NKAIN2: variants seen among roughly 807,000 people sequenced by gnomAD.
NKAIN2 encodes the protein sodium/potassium-transporting ATPase subunit beta-1-interacting protein 2.
In NKAIN2, 14 loss-of-function variants were observed where a neutral mutation model predicts 32.6. The ratio of observed to expected loss-of-function variants is 0.43; its 90% CI spans 0.28 to 0.67. The LOEUF is 0.67. Among genes scored for constraint, NKAIN2 ranks in the 30% least tolerant of loss-of-function variants. NKAIN2 has a pLI of 0.17. For missense variants in NKAIN2, 198 were observed against 258.3 expected, an observed-to-expected ratio of 0.77 and a Z score of 1.60; for synonymous variants, 80 against 87.2, an observed-to-expected ratio of 0.92 and a Z score of 0.46.
chr6:123,868,831 A>G (rs1772720361), intron 1 of NKAIN2, among the ~76,000 whole-genome samples: 1 of 152,184 alleles, frequency 6.6e-6, no homozygotes, highest in Non-Finnish European at 1.5e-5. Flanking sequence ...ATTAGGAAAC[A>G]TTAATATTGA....
chr6:124,005,570 T>G (rs190063835), intron 1 of NKAIN2, among the ~76,000 whole-genome samples: 2 of 152,314 alleles, frequency 1.3e-5, no homozygotes, highest in Admixed American at 6.5e-5. Flanking sequence ...GCCCTTTTTA[T>G]GTATTATTTT....
chr6:124,811,860 A>G (rs961992921), intron 5 of NKAIN2, among the ~76,000 whole-genome samples: 1 of 152,084 alleles, frequency 6.6e-6, no homozygotes, highest in African/African-American at 2.4e-5. Flanking sequence ...TATCAATTAT[A>G]CCTCAGTATA....
chr6:124,384,132 C>A (rs1376245627), intron 3 of NKAIN2, among the ~76,000 whole-genome samples: 1 of 152,096 alleles, frequency 6.6e-6, no homozygotes, highest in Non-Finnish European at 1.5e-5. Flanking sequence ...ACTTATCACT[C>A]TCTGAAATTA....
At chr6:124,756,655 A>T (rs1444033181) in intron 4 of NKAIN2, among the ~76,000 whole-genome samples, 1 of 568 alleles carries the variant, frequency 1.8e-3, no homozygotes, top group Non-Finnish European at 0.033. Flanking sequence ...GCAATTTTTA[A>T]AAAAAATAGA....
chr6:124,574,171 T>C (rs991246096), intron 3 of NKAIN2, among the ~76,000 whole-genome samples: 7 of 152,362 alleles, frequency 4.6e-5, no homozygotes, highest in Admixed American at 1.3e-4. Flanking sequence ...GAGAGCCCTT[T>C]GGAAGAGCTT....
At chr6:124,007,534 G>C (rs796333441) in intron 1 of NKAIN2, among the ~76,000 whole-genome samples, 7 of 152,286 alleles carry the variant, frequency 4.6e-5, no homozygotes, top group African/African-American at 1.7e-4. Context: ...ACAGGCTAGT[G>C]TTTTATATTG....
chr6:123,914,435 A>G (rs1281732609), intron 1 of NKAIN2, among the ~76,000 whole-genome samples: 1 of 152,066 alleles, frequency 6.6e-6, no homozygotes, highest in Non-Finnish European at 1.5e-5. Flanking sequence ...TTATAATGAT[A>G]CTAATCCTAT....
chr6:123,938,726 A>G (rs1776681298), intron 1 of NKAIN2, among the ~76,000 whole-genome samples: 1 of 150,450 alleles, frequency 6.6e-6, no homozygotes, highest in African/African-American at 2.4e-5. Flanking sequence ...TATGGGAGAA[A>G]GAGTCCATCT....
At chr6:124,794,639 T>C (rs1779919978) in intron 5 of NKAIN2, among the ~76,000 whole-genome samples, 1 of 152,178 alleles carries the variant, frequency 6.6e-6, no homozygotes, top group Admixed American at 6.5e-5. Context: ...GACTGACGCT[T>C]GCCTCAGATG....
At chr6:123,965,137 G>A (rs959284338) in intron 1 of NKAIN2, among the ~76,000 whole-genome samples, 6 of 151,940 alleles carry the variant, frequency 3.9e-5, no homozygotes, top group Non-Finnish European at 8.8e-5. Context: ...TCCACCCCCT[G>A]GCACTGAAAC....
intron 3 of NKAIN2, among the ~76,000 whole-genome samples, chr6:124,396,048 T>A (rs557428203): frequency 6.6e-6 from 1 of 152,208 alleles, no homozygotes; most frequent in Non-Finnish European, 1.5e-5. Context: ...CTGGTATAAC[T>A]TCCATGGTAC....
chr6:124,322,825 G>C (rs1053989555), intron 2 of NKAIN2, among the ~76,000 whole-genome samples: 1 of 152,100 alleles, frequency 6.6e-6, no homozygotes, highest in African/African-American at 2.4e-5. Context: ...TCTTTGAGTT[G>C]TGTTATTTAA....
intron 5 of NKAIN2, among the ~76,000 whole-genome samples, chr6:124,796,983 G>A (rs1400898839): frequency 6.6e-6 from 1 of 151,716 alleles, no homozygotes; most frequent in African/African-American, 2.4e-5. Flanking sequence ...TTCCTGGTCG[G>A]GTGTGCCTTT....
intron 3 of NKAIN2, among the ~76,000 whole-genome samples, chr6:124,517,830 T>A (rs1446300755): frequency 6.6e-6 from 1 of 152,170 alleles, no homozygotes; most frequent in Non-Finnish European, 1.5e-5. Flanking sequence ...CTGTTATATT[T>A]CCAAGAACGT....
chr6:124,490,347 A>T, intron 3 of NKAIN2: 1 of 439,716 alleles, frequency 2.3e-6, no homozygotes, highest in South Asian at 1.6e-5. Context: ...AGATGGAATT[A>T]CATGAATGTG....
intron 3 of NKAIN2, among the ~76,000 whole-genome samples, chr6:124,614,394 G>A (rs545495507): frequency 2.5e-4 from 38 of 151,930 alleles, no homozygotes; most frequent in East Asian, 3.9e-4. Context: ...ACTCTGTCTC[G>A]AAAAAAATTA....
At chr6:124,190,594 GT>G (rs1789966434) in intron 1 of NKAIN2, among the ~76,000 whole-genome samples, 1 of 152,248 alleles carries the variant, frequency 6.6e-6, no homozygotes, top group South Asian at 2.1e-4. Context: ...AATATCTTTA[GT>G]GGTGCAATGT....
chr6:124,402,837 A>G (rs1773685733), intron 3 of NKAIN2, among the ~76,000 whole-genome samples: 1 of 152,160 alleles, frequency 6.6e-6, no homozygotes, highest in Admixed American at 6.5e-5. Flanking sequence ...AGGTGGAAAA[A>G]CTACCTATCG....
chr6:124,661,020 A>G (rs982297259), intron 4 of NKAIN2, among the ~76,000 whole-genome samples: 3 of 152,150 alleles, frequency 2.0e-5, no homozygotes, highest in Non-Finnish European at 4.4e-5. Flanking sequence ...CAAATGTTCC[A>G]TTAAATCAGT....
Sources: gnomAD v4.1 joint callset for allele counts (sites outside exome capture counted in the v4.1 genomes callset) on GRCh38, gnomAD v4.1.1 for gene constraint, MANE v1.5 for transcripts, NCBI Gene and HGNC (gene_info 2026-07-23, HGNC 2026-07-21) for gene names.